Variants in ZNF428 observed in about 807,000 individuals in gnomAD.
The protein encoded by ZNF428 is enzyme-like protein PIT13.
A neutral mutation model predicts 15.6 loss-of-function variants in ZNF428; 5 were observed. The ratio of observed to expected loss-of-function variants is 0.32; its 90% CI spans 0.17 to 0.67. The LOEUF is 0.67. ZNF428 is among the 30% of genes least tolerant of loss of function. The probability of loss-of-function intolerance (pLI) is 0.73; values close to 1 mark genes in which losing one functional copy is unlikely to be tolerated. For synonymous variants in ZNF428, 97 were observed against 102.2 expected (o/e 0.95, Z 0.31); for missense variants, 237 against 256.0 (o/e 0.93, Z 0.51).
Position 43,607,941 on chromosome 19 carries a change from C to G in ZNF428, c.243G>C (p.Arg81=), listed in dbSNP as rs746490029. 6 of 1,582,158 alleles carry G rather than the reference C, an allele frequency of 3.8e-6. No individual in the cohort carries two copies. The highest frequency in any genetic ancestry group is 5.2e-6 in the Non-Finnish European group (6 of 1,164,292). ...LGGGRGGPSR[R]APRAAQPPAQ... is the part of the protein sequence containing the mutation. The stretch of plus-strand genomic sequence containing the variant: ...CCGGGGGCTGGGCTGCACGGGGGGC[C>G]CGGCGGGATGGGCCACCACGGCCCC... Residue 81 remains arginine, a synonymous_variant, in exon 3 of 3, where the codon CGG becomes CGC. Transcript: ENST00000300811. The surrounding 1 kb of genome is among the most constrained non-coding windows in gnomAD (Gnocchi z 5.1).
At chr19:43,608,188 C>G (rs1600084646) in intron 2 of ZNF428, 81 bp from the exon 3 acceptor site, 1 of 1,528,168 alleles carries the variant, frequency 6.5e-7, no homozygotes, top group East Asian at 2.3e-5. Flanking sequence ...TGAATCCCCA[C>G]ATTCAGACTT....
Position 43,614,353 on chromosome 19 carries a change from G to C in ZNF428, c.-49C>G. 6.5e-7 allele frequency: 1 copy of C among 1,547,708 alleles called. No homozygotes were observed. The highest frequency in any genetic ancestry group is 1.3e-5 in the South Asian group (1 of 79,462). ...AGGAGCAGAGCAGCAGCTGAGCAGC[G>C]TCCCTCCCCGGCCAGCTCTCCACAG... On this transcript the variant is annotated 5_prime_UTR_variant, in exon 2 of 3. Coordinates refer to ENST00000300811, the MANE Select transcript of ZNF428 (RefSeq NM_182498.4).
At chr19:43,611,039 C>G (rs1336536147) in intron 2 of ZNF428, among the ~76,000 whole-genome samples, 1 of 152,160 alleles carries the variant, frequency 6.6e-6, no homozygotes, top group African/African-American at 2.4e-5. Context: ...AGCACAAACT[C>G]TGTCCTCTGT....
chr19:43,607,295 C>A lies in ZNF428; in HGVS notation c.*322G>T, dbSNP rs2146111411. 1.3e-5 allele frequency: 4 copies of A among 304,418 alleles called. No homozygotes were observed. The highest frequency in any genetic ancestry group is 1.2e-4 in the East Asian group (2 of 16,964). 18.9% of individuals were successfully genotyped at this position (304,418 alleles called of 1,614,324 possible). A position where few individuals can be genotyped will look rare whatever the true frequency, so the allele number is the denominator to read the frequency against. ...TCTGTAAGTAAATACATGGAAACCT[C>A]ATCGAATACAAGCACGCAGTAAATG... On this transcript the variant is annotated 3_prime_UTR_variant, in exon 3 of 3. Coordinates refer to ENST00000300811, the MANE Select transcript of ZNF428 (RefSeq NM_182498.4). The surrounding 1 kb of genome is among the most constrained non-coding windows in gnomAD (Gnocchi z 5.1).
rs1396691169 is a variant in ZNF428 at position 43,607,284 on chromosome 19, C to T, written c.*333G>A. On this transcript the variant is annotated 3_prime_UTR_variant, in exon 3 of 3. Coordinates refer to ENST00000300811, the MANE Select transcript of ZNF428 (RefSeq NM_182498.4). This position sits in a 1 kb window ranked among gnomAD's most constrained non-coding sequence, Gnocchi z 5.1. The stretch of plus-strand genomic sequence containing the variant: ...ACATTATGGGGTCTGTAAGTAAATA[C>T]ATGGAAACCTCATCGAATACAAGCA... The T allele has an allele frequency of 1.1e-5, 3 of 276,646 alleles. No homozygotes were observed. Among genetic ancestry groups the T allele is most frequent in the Non-Finnish European group, 2.0e-5 (3 of 148,798 alleles). 17.1% of individuals were successfully genotyped at this position (276,646 alleles called of 1,614,324 possible). A position where few individuals can be genotyped will look rare whatever the true frequency, so the allele number is the denominator to read the frequency against.
intron 1 of ZNF428, among the ~76,000 whole-genome samples, chr19:43,615,401 T>A (rs566632895): frequency 2.0e-5 from 3 of 151,892 alleles, no homozygotes; most frequent in South Asian, 2.1e-4. Context: ...CCGACTTTTT[T>A]AAAAAAATAA....
At chr19:43,608,183 C>G in intron 2 of ZNF428, 76 bp from the exon 3 acceptor site, 1 of 1,534,848 alleles carries the variant, frequency 6.5e-7, no homozygotes, top group Non-Finnish European at 8.8e-7. Context: ...CTCCCTGAAT[C>G]CCCACATTCA....
Position 43,607,565 on chromosome 19 carries a change from C to T in ZNF428, c.*52G>A, listed in dbSNP as rs753051305. ...CTGTCACAACCCCAATTTCCTCAGC[C>T]CCCTCCTCCCACCCCACCCCTTCTG... On this transcript the variant is annotated 3_prime_UTR_variant, in exon 3 of 3. Transcript: ENST00000300811. This position sits in a 1 kb window ranked among gnomAD's most constrained non-coding sequence, Gnocchi z 5.1. 40 of 1,526,416 alleles carry T rather than the reference C, an allele frequency of 2.6e-5. No homozygotes were observed. Among genetic ancestry groups the T allele is most frequent in the Non-Finnish European group, 3.5e-5 (40 of 1,136,712 alleles). 94.6% of individuals were successfully genotyped at this position (1,526,416 alleles called of 1,614,324 possible).
At chr19:43,617,724 C>T (rs1049487411) in intron 1 of ZNF428, among the ~76,000 whole-genome samples, 2 of 152,146 alleles carry the variant, frequency 1.3e-5, no homozygotes, top group African/African-American at 4.8e-5. Context: ...GTTTTTGTTG[C>T]GGAGATGGTG....
intron 2 of ZNF428, among the ~76,000 whole-genome samples, chr19:43,609,359 G>GGAGAGAGAGAGAGAGA (rs55665674): frequency 0.26 from 21,475 of 81,466 alleles, 1,690 homozygotes; most frequent in East Asian, 0.34. Context: ...CTGTGGCCAT[G>GGAGAGAGAGAGAGAGA]GAGAGAGAGA....
intron 2 of ZNF428, chr19:43,613,684 C>G: frequency 6.4e-7 from 1 of 1,551,576 alleles, no homozygotes; most frequent in Non-Finnish European, 8.7e-7. Flanking sequence ...AGAGAGATCA[C>G]AGACGATCTA....
At chr19:43,618,964 C>T (rs1248206951) in intron 1 of ZNF428, among the ~76,000 whole-genome samples, 2 of 152,084 alleles carry the variant, frequency 1.3e-5, no homozygotes, top group African/African-American at 2.4e-5. Flanking sequence ...CCTTGGTTCA[C>T]AAGTCCCACT....
chr19:43,618,565 A>AC (rs1600090528), intron 1 of ZNF428, among the ~76,000 whole-genome samples: 1 of 91,670 alleles, frequency 1.1e-5, no homozygotes, highest in East Asian at 2.9e-4. Context: ...CTTAATTTTT[A>AC]CTTTTTTTTT....
At chr19:43,618,999 C>A (rs1600090758) in intron 1 of ZNF428, among the ~76,000 whole-genome samples, 1 of 152,090 alleles carries the variant, frequency 6.6e-6, no homozygotes, top group African/African-American at 2.4e-5. Context: ...GGCAGCCAAA[C>A]TGAAAGGCAA....
At chr19:43,614,898 C>T (rs966228424) in intron 1 of ZNF428, among the ~76,000 whole-genome samples, 4 of 151,736 alleles carry the variant, frequency 2.6e-5, no homozygotes, top group Admixed American at 6.6e-5. Context: ...GCACCCGTCC[C>T]CCTCTCTAGG....
intron 2 of ZNF428, chr19:43,611,913 AC>A: frequency 1.7e-6 from 1 of 600,292 alleles, no homozygotes; most frequent in Non-Finnish European, 3.0e-6. Context: ...ATGGCTGCAA[AC>A]CAGAGGAAAT....
intron 1 of ZNF428, among the ~76,000 whole-genome samples, chr19:43,614,856 G>A (rs555926328): frequency 2.0e-5 from 3 of 152,134 alleles, no homozygotes; most frequent in South Asian, 2.1e-4. Context: ...CCTCAACCTC[G>A]CAAAGTGCTG....
intron 2 of ZNF428, chr19:43,613,395 G>A (rs1012017485): frequency 1.5e-5 from 23 of 1,527,890 alleles, no homozygotes; most frequent in Middle Eastern, 1.7e-4. Flanking sequence ...GCGAGAGATC[G>A]CAGCCGATCT....
intron 2 of ZNF428, chr19:43,611,940 C>G: frequency 4.9e-6 from 3 of 615,312 alleles, no homozygotes; most frequent in South Asian, 4.0e-5. Flanking sequence ...CAGCCTCAGG[C>G]TGGGACCCCT....
Sources: allele counts gnomAD v4.1 joint callset (sites outside exome capture counted in the v4.1 genomes callset), GRCh38; gene constraint gnomAD v4.1.1; non-coding constraint Gnocchi (gnomAD v3.1); transcripts MANE v1.5; gene names NCBI Gene and HGNC (gene_info 2026-07-23, HGNC 2026-07-21).